Variants in ACO2 observed in about 807,000 individuals in gnomAD.
ACO2 encodes the protein aconitate hydratase, mitochondrial.
Under a neutral mutation model 84.5 loss-of-function variants are expected in ACO2, and 31 were observed. The observed-to-expected ratio is 0.37, with a 90% CI of 0.28 to 0.50. The LOEUF is 0.50. Among genes scored for constraint, ACO2 ranks in the 20% least tolerant of loss-of-function variants. The pLI, the probability that ACO2 is intolerant of heterozygous loss-of-function variation, is 0.97. For synonymous variants in ACO2, 414 were observed against 412.7 expected (o/e 1.00, Z -0.04); for missense variants, 685 against 1,029.3 (o/e 0.67, Z 4.58).
intron 1 of ACO2, among the ~76,000 whole-genome samples, chr22:41,473,233 G>C (rs539292565): frequency 6.6e-6 from 1 of 152,112 alleles, no homozygotes; most frequent in Non-Finnish European, 1.5e-5. Context: ...GGCTGGGCTC[G>C]GTGGCTCACG....
chr22:41,486,922 C>T (rs1258984913), intron 1 of ACO2, among the ~76,000 whole-genome samples: 3 of 151,940 alleles, frequency 2.0e-5, no homozygotes, highest in African/African-American at 2.4e-5. Context: ...CTGTCTCTGT[C>T]GCCCAGGCTG....
intron 1 of ACO2, among the ~76,000 whole-genome samples, chr22:41,478,285 G>A (rs142841532): frequency 9.2e-5 from 14 of 152,000 alleles, no homozygotes; most frequent in African/African-American, 1.2e-4. Flanking sequence ...TCACAGGCAC[G>A]CACCACCATG....
At chr22:41,490,567 T>C (rs1464550689) in intron 1 of ACO2, among the ~76,000 whole-genome samples, 1 of 152,226 alleles carries the variant, frequency 6.6e-6, no homozygotes, top group Non-Finnish European at 1.5e-5. Flanking sequence ...CCTTTGCCTG[T>C]CTCTCTGCTC....
chr22:41,499,676 G>A (rs749698091), intron 1 of ACO2, 50 bp from the exon 2 acceptor site: 2 of 1,587,136 alleles, frequency 1.3e-6, no homozygotes, highest in Non-Finnish European at 8.6e-7. Flanking sequence ...CTCGGGGATG[G>A]ACTCTCCTAA....
chr22:41,526,220 G>A, intron 14 of ACO2, 42 bp from the exon 15 acceptor site: 1 of 1,577,778 alleles, frequency 6.3e-7, no homozygotes, highest in South Asian at 1.1e-5. Context: ...CACCCCTCCA[G>A]GGCCATGCCC....
At chr22:41,469,450 TTTC>T (rs1225124047) in intron 1 of ACO2, 3 of 452,982 alleles carry the variant, frequency 6.6e-6, no homozygotes, top group South Asian at 3.6e-5. Flanking sequence ...GAGGCACCTC[TTTC>T]TTCTTTTTGA....
At position 41,525,173 on chromosome 22, in the gene ACO2, A is replaced by G. The variant is rs143506868; in HGVS notation, c.1606-20A>G. ...GAACTGAGGACTCAGCACCCCACGC[A>G]TCCCCATTCCCTGCTGCAGGAGTTT... is the stretch of plus-strand genomic sequence containing the variant. On this transcript the variant is annotated intron_variant, in intron 13 of 17. Coordinates refer to ENST00000216254, the MANE Select transcript of ACO2 (RefSeq NM_001098.3). The G allele has an allele frequency of 8.2e-5, 132 of 1,612,032 alleles. 2 individuals are homozygous for G. In the East Asian group the frequency reaches 2.9e-3, roughly 35 times the overall value.
rs763984652 is a variant in ACO2, at chr22:41,469,137, A to G, written c.-10A>G. On this transcript the variant is annotated 5_prime_UTR_variant, in exon 1 of 18. Coordinates refer to ENST00000216254, the MANE Select transcript of ACO2 (RefSeq NM_001098.3). Reference sequence around the variant, plus strand: ...ACTTTAATGCGACCTCATCTTTGTCAGTGCACAAAATGGCGCCCTACAGCC... The same window carrying G: ...ACTTTAATGCGACCTCATCTTTGTCGGTGCACAAAATGGCGCCCTACAGCC... 4 of 1,607,898 alleles carry G rather than the reference A, an allele frequency of 2.5e-6. No individual in the cohort carries two copies. The highest frequency in any genetic ancestry group is 2.3e-5 in the East Asian group (1 of 44,188).
At chr22:41,507,472 G>T (rs1425075492) in intron 2 of ACO2, among the ~76,000 whole-genome samples, 1 of 152,168 alleles carries the variant, frequency 6.6e-6, no homozygotes, top group Non-Finnish European at 1.5e-5. Flanking sequence ...ATGTTGCGGG[G>T]ACTTAGTAGG....
At chr22:41,512,962 G>A (rs1304654076) in intron 4 of ACO2, among the ~76,000 whole-genome samples, 1 of 152,162 alleles carries the variant, frequency 6.6e-6, no homozygotes, top group Non-Finnish European at 1.5e-5. Flanking sequence ...GCCTCCTCAG[G>A]ATGTGCTGAG....
intron 8 of ACO2, among the ~76,000 whole-genome samples, chr22:41,519,706 G>C (rs1188433697): frequency 6.6e-6 from 1 of 152,036 alleles, no homozygotes; most frequent in Admixed American, 6.6e-5. Flanking sequence ...TACTCGGGAG[G>C]CTGAGGCAGA....
chr22:41,528,946 C>T lies in ACO2; in HGVS notation c.*333C>T. 1 of 511,762 alleles carries T rather than the reference C, an allele frequency of 2.0e-6. No homozygotes were observed. The highest frequency in any genetic ancestry group is 3.5e-6 in the Non-Finnish European group (1 of 289,764). The allele number at this position is 511,762 out of a possible 1,614,324, so 31.7% of individuals were successfully genotyped here. Reference sequence around the variant, plus strand: ...GAAGGATTCTAGAGAACCTTTTGTTCTTGCAAGGAAAACAAGAATCCAAAA... The same window carrying T: ...GAAGGATTCTAGAGAACCTTTTGTTTTTGCAAGGAAAACAAGAATCCAAAA... On this transcript the variant is annotated 3_prime_UTR_variant, in exon 18 of 18. Transcript: ENST00000216254.
chr22:41,498,231 G>T (rs2066329249), intron 1 of ACO2, among the ~76,000 whole-genome samples: 1 of 152,086 alleles, frequency 6.6e-6, no homozygotes, highest in African/African-American at 2.4e-5. Context: ...AGGATCATTT[G>T]AAGTCAGGAG....
intron 17 of ACO2, chr22:41,528,233 C>T: frequency 9.6e-6 from 8 of 836,978 alleles, no homozygotes; most frequent in Non-Finnish European, 1.5e-5. Flanking sequence ...CCCCAACCTC[C>T]CTTTACTCAC....
chr22:41,525,280 C>T lies in ACO2; in HGVS notation c.1693C>T (p.Leu565=). 3 of 1,614,122 alleles carry T rather than the reference C, an allele frequency of 1.9e-6. No homozygotes were observed. Among genetic ancestry groups the T allele is most frequent in the Non-Finnish European group, 2.5e-6 (3 of 1,180,010 alleles). ...HVDVSPTSQR[L]QLLEPFDKWD... ...GGACGTGAGCCCCACCAGCCAGCGC[C>T]TGCAGCTCCTGGAGCCTTTTGACAA... The change falls in exon 14 of 18, where the codon CTG becomes TTG. Residue 565 remains leucine, a synonymous_variant. Coordinates refer to ENST00000216254, the MANE Select transcript of ACO2 (RefSeq NM_001098.3).
At chr22:41,485,599 C>A (rs1192531173) in intron 1 of ACO2, among the ~76,000 whole-genome samples, 1 of 152,046 alleles carries the variant, frequency 6.6e-6, no homozygotes, top group Non-Finnish European at 1.5e-5. Flanking sequence ...CACCACCACG[C>A]CCGGCAAATT....
intron 1 of ACO2, among the ~76,000 whole-genome samples, chr22:41,499,277 A>C (rs577497056): frequency 3.6e-4 from 55 of 152,258 alleles, no homozygotes; most frequent in African/African-American, 1.3e-3. Flanking sequence ...GCTTGATCTC[A>C]ACCCTCAAGA....
chr22:41,489,768 A>G (rs1371472293), intron 1 of ACO2, among the ~76,000 whole-genome samples: 1 of 151,276 alleles, frequency 6.6e-6, no homozygotes, highest in Non-Finnish European at 1.5e-5. Context: ...CTCTGGGTTA[A>G]AATGGTGGTA....
At chr22:41,528,296 C>T (rs1601939525) in intron 17 of ACO2, 183 bp from the exon 18 acceptor site, 1 of 932,872 alleles carries the variant, frequency 1.1e-6, no homozygotes, top group South Asian at 1.7e-5. Context: ...CTCTGGGCCC[C>T]AGGAATCCCC....
Sources: gnomAD v4.1 joint callset for allele counts (sites outside exome capture counted in the v4.1 genomes callset) on GRCh38, gnomAD v4.1.1 for gene constraint, MANE v1.5 for transcripts, NCBI Gene and HGNC (gene_info 2026-07-23, HGNC 2026-07-21) for gene names.